PLD1: variants seen among roughly 807,000 people sequenced by gnomAD.
PLD1 encodes the protein phospholipase D1, also known as choline phosphatase 1.
In PLD1, 112 loss-of-function variants were observed where a neutral mutation model predicts 137.1. The ratio of observed to expected loss-of-function variants is 0.82; its 90% CI spans 0.70 to 0.96. The LOEUF is 0.96. PLD1 is among the 40% of genes least tolerant of loss of function. PLD1 has a pLI of 0.00. For synonymous variants in PLD1, 431 were observed against 454.7 expected, an observed-to-expected ratio of 0.95 and a Z score of 0.66; for missense variants, 1,321 against 1,342.0, an observed-to-expected ratio of 0.98 and a Z score of 0.24.
chr3:171,701,549 G>A (rs1716237698), intron 11 of PLD1, among the ~76,000 whole-genome samples: 1 of 152,102 alleles, frequency 6.6e-6, no homozygotes, highest in South Asian at 2.1e-4. Flanking sequence ...ACAAACATGT[G>A]TACCCTTGTA....
chr3:171,733,496 T>C lies in PLD1; in HGVS notation c.554A>G (p.Asp185Gly). The change falls in exon 6 of 27, where the codon GAT becomes GGT. Residue 185 changes from aspartate to glycine, a missense_variant. Coordinates refer to ENST00000351298, the MANE Select transcript of PLD1 (RefSeq NM_002662.5). ...CATTTTTAGTATCTTTGTCAAGTAA[T>C]CTTCCAGTTGTTTCTGTAATGCAAA... The part of the protein sequence containing the change: ...QFLGRRKQLE[D>G]YLTKILKMPM... The C allele has an allele frequency of 7.7e-7, 1 of 1,300,594 alleles. No homozygotes were observed. The highest frequency in any genetic ancestry group is 1.1e-6 in the Non-Finnish European group (1 of 899,132). 80.6% of individuals were successfully genotyped at this position (1,300,594 alleles called of 1,614,324 possible).
chr3:171,749,614 G>T (rs149754067), intron 1 of PLD1, among the ~76,000 whole-genome samples: 5 of 152,322 alleles, frequency 3.3e-5, no homozygotes, highest in African/African-American at 1.2e-4. Context: ...ACATTTGGAA[G>T]AAAGAAACAG....
intron 1 of PLD1, among the ~76,000 whole-genome samples, chr3:171,802,745 T>C (rs760810674): frequency 3.9e-4 from 60 of 152,284 alleles, no homozygotes; most frequent in Middle Eastern, 3.4e-3. Flanking sequence ...CTCCAATGAA[T>C]GAGCATGAGA....
chr3:171,784,630 C>T (rs1332108961), intron 1 of PLD1, among the ~76,000 whole-genome samples: 1 of 152,162 alleles, frequency 6.6e-6, no homozygotes, highest in Non-Finnish European at 1.5e-5. Flanking sequence ...CTGTTCCCTC[C>T]CCTGGATCAC....
At chr3:171,764,962 GAAAGAAAGAA>G (rs1560289795) in intron 1 of PLD1, among the ~76,000 whole-genome samples, 1 of 56,778 alleles carries the variant, frequency 1.8e-5, no homozygotes, top group African/African-American at 4.9e-5. Flanking sequence ...AAGAAAGAAA[GAAAGAAAGAA>G]AGAAAGAAAG....
chr3:171,793,047 T>C, intron 1 of PLD1: 1 of 225,104 alleles, frequency 4.4e-6, no homozygotes, highest in South Asian at 5.9e-5. Context: ...ACCAGTGAAA[T>C]TTGCGTGATC....
intron 1 of PLD1, among the ~76,000 whole-genome samples, chr3:171,751,250 A>G (rs557440458): frequency 6.6e-6 from 1 of 152,342 alleles, no homozygotes; most frequent in South Asian, 2.1e-4. Flanking sequence ...CATTTGAAAT[A>G]TAGAAGAATG....
intron 1 of PLD1, among the ~76,000 whole-genome samples, chr3:171,764,878 A>AGGAAGGAAAGAAAG (rs1491270656): frequency 9.4e-5 from 2 of 21,236 alleles, no homozygotes; most frequent in African/African-American, 1.9e-4. Context: ...AAAGAAAGAA[A>AGGAAGGAAAGAAAG]GAAAGAAAGA....
At chr3:171,689,515 C>T (rs75911095) in intron 13 of PLD1, among the ~76,000 whole-genome samples, 5,057 of 151,860 alleles carry the variant, frequency 0.033, 308 homozygotes, top group African/African-American at 0.12. Flanking sequence ...TCCTTCCTTT[C>T]TTTCTTTCTC....
intron 1 of PLD1, among the ~76,000 whole-genome samples, chr3:171,802,792 C>G (rs1045896748): frequency 2.6e-5 from 4 of 152,128 alleles, no homozygotes; most frequent in African/African-American, 9.7e-5. Context: ...CCCCTGATTA[C>G]CAAGTTTCAC....
intron 21 of PLD1, among the ~76,000 whole-genome samples, chr3:171,649,460 T>C (rs1035186895): frequency 3.9e-5 from 6 of 152,172 alleles, no homozygotes; most frequent in South Asian, 2.1e-4. Flanking sequence ...GGACACTGTG[T>C]CCAATCTGCC....
chr3:171,805,363 C>A (rs564462915), intron 1 of PLD1, among the ~76,000 whole-genome samples: 102 of 152,294 alleles, frequency 6.7e-4, no homozygotes, highest in African/African-American at 2.3e-3. Context: ...TGCCATGACC[C>A]AGTCGGCCAT....
At chr3:171,750,229 C>T (rs1259965800) in intron 1 of PLD1, among the ~76,000 whole-genome samples, 3 of 151,824 alleles carry the variant, frequency 2.0e-5, no homozygotes, top group African/African-American at 7.3e-5. Context: ...GAAAATCTCA[C>T]CAGAGAAAAG....
intron 1 of PLD1, among the ~76,000 whole-genome samples, chr3:171,784,529 TATC>T (rs1373785704): frequency 6.6e-6 from 1 of 152,188 alleles, no homozygotes; most frequent in Non-Finnish European, 1.5e-5. Context: ...TCCAGTCTCT[TATC>T]ATTCCCCTGC....
At chr3:171,792,518 G>A (rs1407227050) in intron 1 of PLD1, 6 of 452,028 alleles carry the variant, frequency 1.3e-5, no homozygotes, top group East Asian at 7.0e-5. Context: ...CCTCAGACAC[G>A]AAGGTCTCGC....
At chr3:171,716,325 C>A (rs185422498) in intron 8 of PLD1, among the ~76,000 whole-genome samples, 1 of 152,336 alleles carries the variant, frequency 6.6e-6, no homozygotes, top group Admixed American at 6.5e-5. Flanking sequence ...CTGCTTTCCA[C>A]AATGGCTGAA....
chr3:171,713,851 G>T, intron 9 of PLD1, 42 bp downstream of exon 9: 2 of 1,519,912 alleles, frequency 1.3e-6, no homozygotes, highest in Non-Finnish European at 1.8e-6. Flanking sequence ...TGTTTTTAAG[G>T]CATTTTTGTA....
intron 1 of PLD1, among the ~76,000 whole-genome samples, chr3:171,751,047 G>GA (rs948116377): frequency 6.6e-6 from 1 of 151,914 alleles, no homozygotes; most frequent in African/African-American, 2.4e-5. Context: ...AAAGTGAAAT[G>GA]AAAAAAATAA....
chr3:171,697,834 C>T (rs998046190), intron 12 of PLD1, among the ~76,000 whole-genome samples: 10 of 152,210 alleles, frequency 6.6e-5, no homozygotes, highest in African/African-American at 1.2e-4. Context: ...TTTCTGCATG[C>T]AACTGACACT....
Sources: allele counts gnomAD v4.1 joint callset (sites outside exome capture counted in the v4.1 genomes callset), GRCh38; gene constraint gnomAD v4.1.1; transcripts MANE v1.5; gene names NCBI Gene and HGNC (gene_info 2026-07-23, HGNC 2026-07-21).